KCNC4: variants seen among roughly 807,000 people sequenced by gnomAD.
KCNC4 encodes voltage-gated potassium channel KCNC4.
A neutral mutation model predicts 42.8 loss-of-function variants in KCNC4; 23 were observed. That is an observed-to-expected ratio of 0.54 (90% CI 0.39 to 0.76). The LOEUF is 0.76. Ranked by LOEUF, KCNC4 falls within the 30% of genes least tolerant of loss-of-function variation. KCNC4 has a pLI of 0.00. For synonymous variants in KCNC4, 422 were observed against 393.5 expected, an observed-to-expected ratio of 1.07 and a Z score of -0.86; for missense variants, 751 against 898.2, an observed-to-expected ratio of 0.84 and a Z score of 2.10.
chr1:110,273,911 C>T (rs1659675720), intron 1 of KCNC4, among the ~76,000 whole-genome samples: 1 of 152,082 alleles, frequency 6.6e-6, no homozygotes, highest in South Asian at 2.1e-4. Context: ...CAAAACACTC[C>T]CAGAACCAAC....
intron 1 of KCNC4, among the ~76,000 whole-genome samples, chr1:110,215,376 A>C (rs992431126): frequency 6.6e-5 from 10 of 152,190 alleles, no homozygotes; most frequent in South Asian, 2.1e-4. Context: ...GAGACTTCAC[A>C]GCCTCAGGGG....
At chr1:110,216,104 G>A (rs957055816) in intron 1 of KCNC4, among the ~76,000 whole-genome samples, 2 of 152,366 alleles carry the variant, frequency 1.3e-5, no homozygotes, top group South Asian at 4.1e-4. Context: ...GGCCCAGGCA[G>A]AGCATGAAAC....
At chr1:110,241,473 GGATA>G (rs1659033974) in exon 4 of KCNC4, 1 of 152,134 alleles carries the variant, frequency 6.6e-6, no homozygotes. Context: ...GCTCCAAGCA[GGATA>G]GATAATTTTT....
At chr1:110,282,665 A>T (rs1278786275) in intron 2 of KCNC4, 1 of 152,254 alleles carries the variant, frequency 6.6e-6, no homozygotes, top group East Asian at 1.9e-4. Flanking sequence ...GTAAGTGGGG[A>T]GGTGTCTCCC....
chr1:110,254,400 C>T lies in KCNC4; in HGVS notation n.31-28134C>T, dbSNP rs144677403. On this transcript the variant is annotated intron_variant and non_coding_transcript_variant, in intron 1 of 2. Coordinates refer to the KCNC4 transcript ENST00000412512. The stretch of plus-strand genomic sequence containing the variant: ...GTGATTCAGTGCATCATTTGCACCT[C>T]ATGTTCCTTCATTGCACCCACTGCA... Among the ~76,000 whole-genome samples, 557 of 152,304 alleles carry T rather than the reference C, an allele frequency of 3.7e-3. 2 individuals carry two copies. The highest frequency in any genetic ancestry group is 4.5e-3 in the Non-Finnish European group (309 of 68,012).
Position 110,281,555 on chromosome 1 carries a change from A to AACACACACACACACACACACACACACAC in KCNC4, n.31-971_31-944dup, listed in dbSNP as rs55839432. Among the ~76,000 whole-genome samples the AACACACACACACACACACACACACACAC allele has an allele frequency of 4.3e-4, 60 of 140,436 alleles. 1 individual carries two copies. Among genetic ancestry groups the AACACACACACACACACACACACACACAC allele is most frequent in the African/African-American group, 1.4e-3 (53 of 37,094 alleles). The allele number at this position is 140,436 out of a possible 152,430, so 92.1% of individuals were successfully genotyped here. On this transcript the variant is annotated intron_variant and non_coding_transcript_variant, in intron 1 of 2. Coordinates refer to the KCNC4 transcript ENST00000412512. ...TTATCTGACTCCCCACATATGTAAA[A>AACACACACACACACACACACACACACAC]ACACACACACACACACACACACACA...
At chr1:110,213,431 G>T (rs958856680) in intron 1 of KCNC4, among the ~76,000 whole-genome samples, 1 of 152,170 alleles carries the variant, frequency 6.6e-6, no homozygotes, top group Non-Finnish European at 1.5e-5. Context: ...CAGCACCCCT[G>T]TGCTGGACTC....
In KCNC4 at chr1:110,211,297, C is replaced by T; in HGVS notation, c.-203C>T. On this transcript the variant is annotated 5_prime_UTR_variant, in exon 1 of 4. Transcript: ENST00000438661. The surrounding 1 kb of genome is among the most constrained non-coding windows in gnomAD (Gnocchi z 6.5). Reference sequence around the variant, plus strand: ...CCGGAGCTTCCTGCCCTAACCCCAACCACCTGTGTACCGGAGAAATCCAAC... The same window carrying T: ...CCGGAGCTTCCTGCCCTAACCCCAATCACCTGTGTACCGGAGAAATCCAAC... 1.4e-6 allele frequency: 1 copy of T among 724,092 alleles called. No homozygotes were observed. Among genetic ancestry groups the T allele is most frequent in the Non-Finnish European group, 2.2e-6 (1 of 453,980 alleles). 44.9% of individuals were successfully genotyped at this position (724,092 alleles called of 1,614,324 possible).
In KCNC4 at chr1:110,226,373, A is replaced by G; in HGVS notation, c.1819+195A>G. ...TTAGAAAGGTCTTCTCCATCTCAGAAGGGCACACGGCTCCCATCCAGCTGC... is the reference window on the plus strand; with the variant it reads ...TTAGAAAGGTCTTCTCCATCTCAGAGGGGCACACGGCTCCCATCCAGCTGC... On this transcript the variant is annotated intron_variant, in intron 3 of 3. Coordinates refer to ENST00000438661, the MANE Select transcript of KCNC4 (RefSeq NM_001039574.3). 8.1e-6 allele frequency: 5 copies of G among 617,682 alleles called. No individual in the cohort carries two copies. In the East Asian group the frequency reaches 1.4e-4, roughly 17 times the overall value. The allele number at this position is 617,682 out of a possible 1,614,324, so 38.3% of individuals were successfully genotyped here. A position where few individuals can be genotyped will look rare whatever the true frequency, so the allele number is the denominator to read the frequency against.
chr1:110,254,097 G>GA (rs1316067921), downstream of KCNC4, among the ~76,000 whole-genome samples: 106 of 135,672 alleles, frequency 7.8e-4, 4 homozygotes, highest in Non-Finnish European at 2.2e-4. Flanking sequence ...AGTCGGGGGG[G>GA]GGGCGGCGTT....
intron 1 of KCNC4, among the ~76,000 whole-genome samples, chr1:110,265,383 A>G (rs1174728519): frequency 7.6e-6 from 1 of 131,926 alleles, no homozygotes; most frequent in African/African-American, 3.4e-5. Context: ...AAAATAAAAT[A>G]AAATAAAATA....
At chr1:110,271,931 C>T (rs1410817011) in intron 1 of KCNC4, among the ~76,000 whole-genome samples, 1 of 152,178 alleles carries the variant, frequency 6.6e-6, no homozygotes, top group African/African-American at 2.4e-5. Context: ...AACACACACT[C>T]ACCCATAATT....
chr1:110,224,228 C>T, intron 2 of KCNC4: 1 of 302,026 alleles, frequency 3.3e-6, no homozygotes, highest in Non-Finnish European at 6.1e-6. Context: ...CAGTCACTCA[C>T]CCTCTCTAGG....
rs537621444 is a variant in KCNC4 at position 110,260,869 on chromosome 1, G to T, written n.31-21665G>T. ...GGTGTGAACCGGGGAGGCGGAGCTT[G>T]CAGTGAGCCGAGATCGCGCCACTGC... On this transcript the variant is annotated intron_variant and non_coding_transcript_variant, in intron 1 of 2. Transcript: ENST00000412512. Among the ~76,000 whole-genome samples the T allele has an allele frequency of 1.3e-3, 205 of 152,362 alleles. 1 individual carries two copies. Among genetic ancestry groups the T allele is most frequent in the African/African-American group, 4.8e-3 (201 of 41,590 alleles).
intron 1 of KCNC4, among the ~76,000 whole-genome samples, chr1:110,260,870 C>G (rs1659413053): frequency 6.6e-6 from 1 of 152,206 alleles, no homozygotes; most frequent in African/African-American, 2.4e-5. Context: ...GCGGAGCTTG[C>G]AGTGAGCCGA....
intron 1 of KCNC4, chr1:110,221,385 T>C (rs1167422015): frequency 1.3e-5 from 2 of 152,318 alleles, no homozygotes; most frequent in South Asian, 2.1e-4. Flanking sequence ...ATTGGGAGGA[T>C]TGAAGGCGAT....
chr1:110,259,988 T>C (rs1659397182), intron 1 of KCNC4, among the ~76,000 whole-genome samples: 1 of 152,184 alleles, frequency 6.6e-6, no homozygotes, highest in African/African-American at 2.4e-5. Context: ...CCAGGCTGCA[T>C]TGTCCCAGCA....
At chr1:110,227,801 T>C (rs1042757098) in intron 3 of KCNC4, among the ~76,000 whole-genome samples, 11 of 152,230 alleles carry the variant, frequency 7.2e-5, no homozygotes, top group Admixed American at 5.9e-4. Flanking sequence ...GAAGAGGCCG[T>C]GAGGGTACCA....
downstream of KCNC4, among the ~76,000 whole-genome samples, chr1:110,250,991 G>C (rs1659241609): frequency 6.6e-6 from 1 of 152,202 alleles, no homozygotes; most frequent in African/African-American, 2.4e-5. Context: ...CTAGGGCCAT[G>C]TAAGCAGGCA....
Sources: gnomAD v4.1 joint callset for allele counts (sites outside exome capture counted in the v4.1 genomes callset) on GRCh38, gnomAD v4.1.1 for gene constraint, Gnocchi (gnomAD v3.1) non-coding constraint, MANE v1.5 for transcripts, NCBI Gene and HGNC (gene_info 2026-07-23, HGNC 2026-07-21) for gene names.